ICE1: variants seen among roughly 807,000 people sequenced by gnomAD.
ICE1 encodes interactor of little elongation complex ELL subunit 1.
Under a neutral mutation model 192.7 loss-of-function variants are expected in ICE1, and 64 were observed. The ratio of observed to expected loss-of-function variants is 0.33; its 90% CI spans 0.27 to 0.41. The LOEUF (loss-of-function observed/expected upper bound fraction) is 0.41. Ranked by LOEUF, ICE1 falls within the 10% of genes least tolerant of loss-of-function variation. The pLI, the probability that ICE1 is intolerant of heterozygous loss-of-function variation, is 1.00. For synonymous variants in ICE1, 1,010 were observed against 984.5 expected, an observed-to-expected ratio of 1.03 and a Z score of -0.49; for missense variants, 2,708 against 2,696.0, an observed-to-expected ratio of 1.00 and a Z score of -0.10.
intron 1 of ICE1, among the ~76,000 whole-genome samples, chr5:5,428,076 G>A (rs1400707696): frequency 6.6e-6 from 1 of 152,174 alleles, no homozygotes; most frequent in Non-Finnish European, 1.5e-5. Context: ...AAGGCCTGGA[G>A]GGGAGAAAGT....
chr5:5,468,166 A>G (rs980881123), intron 14 of ICE1, among the ~76,000 whole-genome samples: 4 of 152,212 alleles, frequency 2.6e-5, no homozygotes, highest in African/African-American at 7.2e-5. Context: ...GAAAGTACCT[A>G]CTTCACAAAT....
chr5:5,465,043 C>A lies in ICE1; in HGVS notation c.5709C>A (p.Ser1903Arg). 6.2e-7 allele frequency: 1 copy of A among 1,613,918 alleles called. No individual in the cohort carries two copies. The highest frequency in any genetic ancestry group is 8.5e-7 in the Non-Finnish European group (1 of 1,179,860). The change falls in exon 13 of 19, where the codon AGC becomes AGA. Residue 1903 changes from serine (S) to arginine (R), a missense_variant. Ser to Arg is a moderately radical substitution (Grantham distance 110). Transcript: ENST00000296564. ...AVSAVSQLPL[S>R]PKETVESHDK... ...GTGCAGTTTCACAGTTGCCTTTAAG[C>A]CCAAAAGAAACTGTGGAGTCCCATG...
At chr5:5,472,288 C>T (rs1175822036) in intron 15 of ICE1, among the ~76,000 whole-genome samples, 1 of 152,118 alleles carries the variant, frequency 6.6e-6, no homozygotes, top group Non-Finnish European at 1.5e-5. Flanking sequence ...TCAATGTTTA[C>T]AAACTTAATT....
chr5:5,469,161 A>G (rs1241740436), intron 15 of ICE1, among the ~76,000 whole-genome samples, 173 bp downstream of exon 15: 1 of 152,248 alleles, frequency 6.6e-6, no homozygotes, highest in Non-Finnish European at 1.5e-5. Flanking sequence ...TTAAGAATGC[A>G]TGAGACATTC....
chr5:5,463,513 A>G lies in ICE1; in HGVS notation c.4179A>G (p.Thr1393=). The G allele has an allele frequency of 6.2e-7, 1 of 1,613,680 alleles. No homozygotes were observed. The highest frequency in any genetic ancestry group is 2.2e-5 in the East Asian group (1 of 44,864). Residue 1393 remains threonine (T), a synonymous_variant, in exon 13 of 19, where the codon ACA becomes ACG. Coordinates refer to ENST00000296564, the MANE Select transcript of ICE1 (RefSeq NM_015325.3). The stretch of plus-strand genomic sequence containing the variant: ...GTTCTAACTGCGAGGCCGAAACAAC[A>G]TTTCAGTGTCAGATAGCAACAGTGA... ...EQSSNCEAET[T]FQCQIATVTS...
At chr5:5,450,725 T>TA (rs1174294513) in intron 10 of ICE1, among the ~76,000 whole-genome samples, 1 of 152,142 alleles carries the variant, frequency 6.6e-6, no homozygotes, top group Non-Finnish European at 1.5e-5. Flanking sequence ...TCATGTAAGG[T>TA]AAAAAATAAT....
In ICE1 at chr5:5,457,667, C is replaced by A; in HGVS notation, c.1027C>A (p.Leu343Ile). The A allele has an allele frequency of 6.2e-7, 1 of 1,613,972 alleles. No homozygotes were observed. The highest frequency in any genetic ancestry group is 8.5e-7 in the Non-Finnish European group (1 of 1,179,880). The change falls in exon 12 of 19, where the codon CTT becomes ATT. Residue 343 changes from leucine to isoleucine, a missense_variant. Coordinates refer to ENST00000296564, the MANE Select transcript of ICE1 (RefSeq NM_015325.3). ...AIDFFKLPPP[L>I]LSPVPSPPPM... The stretch of plus-strand genomic sequence containing the variant: ...TGACTTCTTCAAACTTCCCCCTCCT[C>A]TTCTGTCACCAGTGCCCTCGCCCCC...
At chr5:5,423,489 A>G (rs561680426) in intron 1 of ICE1, among the ~76,000 whole-genome samples, 32 of 152,348 alleles carry the variant, frequency 2.1e-4, no homozygotes, top group African/African-American at 7.5e-4. Flanking sequence ...TTCAGCTTAT[A>G]GCAGATGTGC....
intron 16 of ICE1, 57 bp downstream of exon 16, chr5:5,473,805 A>G: frequency 1.6e-6 from 2 of 1,257,534 alleles, no homozygotes; most frequent in Non-Finnish European, 2.2e-6. Context: ...GAATTGTTGA[A>G]CACTGAATTG....
At chr5:5,444,222 A>G in intron 6 of ICE1, 67 bp from the exon 7 acceptor site, 1 of 1,008,462 alleles carries the variant, frequency 9.9e-7, no homozygotes, top group Non-Finnish European at 1.5e-6. Context: ...ATGTGCCACA[A>G]ATTATAAGGC....
Position 5,422,832 on chromosome 5 carries a change from C to G in ICE1, c.-84C>G, listed in dbSNP as rs1737346752. ...GGGAAGCGGCCTGGCAGGCGGCGGC[C>G]CCGGCGGCATCAGCAGAGACAGGAC... On this transcript the variant is annotated 5_prime_UTR_variant, in exon 1 of 19. Coordinates refer to ENST00000296564, the MANE Select transcript of ICE1 (RefSeq NM_015325.3). The G allele has an allele frequency of 3.8e-6, 4 of 1,053,022 alleles. No individual in the cohort carries two copies. Among genetic ancestry groups the G allele is most frequent in the Non-Finnish European group, 4.8e-6 (4 of 826,698 alleles). The allele number at this position is 1,053,022 out of a possible 1,614,324, so 65.2% of individuals were successfully genotyped here. A position where few individuals can be genotyped will look rare whatever the true frequency, so the allele number is the denominator to read the frequency against.
Position 5,461,143 on chromosome 5 carries a change from T to C in ICE1, c.1809T>C (p.Thr603=). 6.2e-7 allele frequency: 1 copy of C among 1,613,996 alleles called. No homozygotes were observed. The highest frequency in any genetic ancestry group is 8.5e-7 in the Non-Finnish European group (1 of 1,179,882). The change falls in exon 13 of 19, where the codon ACT becomes ACC. Residue 603 remains threonine (T), a synonymous_variant. Transcript: ENST00000296564. The part of the protein sequence containing the change: ...EKEKEDTQGF[T]LGESPESEDD... ...AAAAAGAAGATACTCAAGGGTTCAC[T>C]TTAGGAGAATCACCTGAATCAGAAG...
intron 17 of ICE1, among the ~76,000 whole-genome samples, chr5:5,480,241 T>C (rs1419603142): frequency 3.3e-5 from 5 of 150,066 alleles, no homozygotes; most frequent in Non-Finnish European, 7.4e-5. Flanking sequence ...CTTTGGATTT[T>C]TCTTTTTCTT....
intron 17 of ICE1, among the ~76,000 whole-genome samples, chr5:5,484,071 C>T (rs569569087): frequency 6.6e-6 from 1 of 152,236 alleles, no homozygotes; most frequent in Admixed American, 6.5e-5. Flanking sequence ...AGATTAGCTC[C>T]TCATTTCTTA....
chr5:5,443,851 A>C (rs942392641), intron 6 of ICE1, among the ~76,000 whole-genome samples: 7 of 152,224 alleles, frequency 4.6e-5, no homozygotes, highest in African/African-American at 1.7e-4. Flanking sequence ...ACTCTCAGAA[A>C]TCCATCTTAA....
chr5:5,464,308 T>A lies in ICE1; in HGVS notation c.4974T>A (p.Ser1658Arg). Residue 1658 changes from serine to arginine, a missense_variant, in exon 13 of 19, where the codon AGT becomes AGA. Physicochemically the swap from Ser to Arg is moderately radical, Grantham distance 110. Around this residue, in one of 2 missense-constraint regions of ICE1, gnomAD observed 2,366 missense variants for 2,276.6 expected, o/e 1.04. Transcript: ENST00000296564. This position sits in a 1 kb window ranked among gnomAD's most constrained non-coding sequence, Gnocchi z 4.0. ...QPLSPLISSSSPSSPASPVGQ... is the reference protein window; with the variant it reads ...QPLSPLISSSRPSSPASPVGQ... ...TGTCTCCACTGATATCGAGTTCTAG[T>A]CCTTCCTCACCAGCCTCTCCTGTTG... The A allele has an allele frequency of 1.2e-6, 2 of 1,613,600 alleles. No homozygotes were observed. The highest frequency in any genetic ancestry group is 1.7e-6 in the Non-Finnish European group (2 of 1,179,804).
At chr5:5,430,119 G>A (rs1462849178) in intron 1 of ICE1, among the ~76,000 whole-genome samples, 2 of 152,186 alleles carry the variant, frequency 1.3e-5, no homozygotes, top group Admixed American at 6.5e-5. Context: ...TCCTGGAGAG[G>A]AAGAACACCT....
intron 1 of ICE1, among the ~76,000 whole-genome samples, chr5:5,427,659 A>C (rs1168948893): frequency 1.3e-5 from 2 of 152,202 alleles, no homozygotes; most frequent in East Asian, 3.9e-4. Flanking sequence ...TTGGAACTTG[A>C]AACATTTTAT....
At chr5:5,485,268 G>A (rs1411421737) in intron 17 of ICE1, among the ~76,000 whole-genome samples, 1 of 152,060 alleles carries the variant, frequency 6.6e-6, no homozygotes, top group African/African-American at 2.4e-5. Context: ...ACCCATAAAT[G>A]ACGTTTTTAA....
Sources: gnomAD v4.1 joint callset for allele counts (sites outside exome capture counted in the v4.1 genomes callset) on GRCh38, gnomAD v4.1.1 for gene constraint, gnomAD v4.1.1 regional missense constraint, Gnocchi (gnomAD v3.1) non-coding constraint, MANE v1.5 for transcripts, NCBI Gene and HGNC (gene_info 2026-07-23, HGNC 2026-07-21) for gene names.